Variants in DAB1 observed in about 807,000 individuals in gnomAD.
The protein encoded by DAB1 is DAB adaptor protein 1.
Under a neutral mutation model 64.6 loss-of-function variants are expected in DAB1, and 15 were observed. The ratio of observed to expected loss-of-function variants is 0.23; its 90% CI spans 0.16 to 0.36. The LOEUF (loss-of-function observed/expected upper bound fraction) is 0.36. Among genes scored for constraint, DAB1 ranks in the 10% least tolerant of loss-of-function variants. The pLI is 1.00. For missense variants in DAB1, 596 were observed against 706.7 expected, an observed-to-expected ratio of 0.84 and a Z score of 1.78; for synonymous variants, 235 against 251.9, an observed-to-expected ratio of 0.93 and a Z score of 0.64.
intron 1 of DAB1, among the ~76,000 whole-genome samples, chr1:57,418,577 C>T (rs1684667499): frequency 6.6e-6 from 1 of 152,100 alleles, no homozygotes; most frequent in African/African-American, 2.4e-5. Context: ...TTTGGGAGGA[C>T]CCATCCCCTT....
chr1:58,473,911 T>C, intron 3 of DAB1: 1 of 1,095,220 alleles, frequency 9.1e-7, no homozygotes, highest in East Asian at 5.9e-5. Context: ...ATGAAGCTGT[T>C]GAGCGTTAAC....
chr1:58,144,743 C>T (rs1231545233), intron 5 of DAB1, among the ~76,000 whole-genome samples: 1 of 152,128 alleles, frequency 6.6e-6, no homozygotes, highest in African/African-American at 2.4e-5. Flanking sequence ...CGGGGTCACC[C>T]AGCAGCAAGC....
chr1:57,356,074 T>C (rs930991691), intron 1 of DAB1, among the ~76,000 whole-genome samples: 1 of 152,054 alleles, frequency 6.6e-6, no homozygotes, highest in Non-Finnish European at 1.5e-5. Context: ...AAACATAAGC[T>C]CCATGAAAGC....
At chr1:58,289,812 G>C (rs1661771877) in intron 4 of DAB1, among the ~76,000 whole-genome samples, 1 of 152,154 alleles carries the variant, frequency 6.6e-6, no homozygotes, top group Non-Finnish European at 1.5e-5. Flanking sequence ...GAGAATCTAT[G>C]CTAAAAGCAA....
At chr1:57,926,976 T>C (rs1644888700) in intron 5 of DAB1, among the ~76,000 whole-genome samples, 1 of 152,180 alleles carries the variant, frequency 6.6e-6, no homozygotes, top group South Asian at 2.1e-4. Context: ...CAGCCTTAAG[T>C]GACAGGAGGT....
chr1:57,989,525 C>T (rs1275910801), intron 5 of DAB1, among the ~76,000 whole-genome samples: 1 of 152,152 alleles, frequency 6.6e-6, no homozygotes, highest in African/African-American at 2.4e-5. Context: ...TGAAGATGCC[C>T]TCACCCCTCA....
At chr1:57,322,734 C>A (rs1220776144) in intron 1 of DAB1, among the ~76,000 whole-genome samples, 1 of 152,092 alleles carries the variant, frequency 6.6e-6, no homozygotes, top group African/African-American at 2.4e-5. Context: ...AAGAAAGTAC[C>A]TATATGAAGA....
chr1:57,944,452 C>T (rs1269360145), intron 5 of DAB1, among the ~76,000 whole-genome samples: 1 of 152,160 alleles, frequency 6.6e-6, no homozygotes, highest in Admixed American at 6.5e-5. Context: ...ATGTATATGT[C>T]CCACAAGATA....
chr1:57,733,048 C>A (rs887005973), intron 6 of DAB1, among the ~76,000 whole-genome samples: 2 of 152,128 alleles, frequency 1.3e-5, no homozygotes, highest in African/African-American at 4.8e-5. Context: ...AAGTTCTAAT[C>A]TTGTCAGGAA....
intron 1 of DAB1, among the ~76,000 whole-genome samples, chr1:58,528,514 C>G (rs1646385236): frequency 1.3e-5 from 2 of 152,148 alleles, no homozygotes; most frequent in Non-Finnish European, 2.9e-5. Flanking sequence ...CCTCCAGGGA[C>G]ATTTACAAAT....
intron 1 of DAB1, chr1:58,536,789 T>C: frequency 2.4e-6 from 2 of 833,684 alleles, no homozygotes; most frequent in Non-Finnish European, 4.1e-6. Context: ...TTCCAGCACA[T>C]ATCACTAAAG....
chr1:57,145,610 T>C (rs756838691), intron 2 of DAB1, among the ~76,000 whole-genome samples, 181 bp from the exon 3 acceptor site: 1 of 152,180 alleles, frequency 6.6e-6, no homozygotes, highest in Non-Finnish European at 1.5e-5. Flanking sequence ...TCCATTTAAG[T>C]CCTGAGACAA....
chr1:58,150,377 CA>C (rs1261591281), intron 5 of DAB1: 2 of 152,194 alleles, frequency 1.3e-5, no homozygotes, highest in Non-Finnish European at 2.9e-5. Flanking sequence ...TTTGTCTGAG[CA>C]AGGCATTTCA....
chr1:57,197,996 C>T (rs1172602674), intron 2 of DAB1, among the ~76,000 whole-genome samples: 2 of 152,124 alleles, frequency 1.3e-5, no homozygotes, highest in African/African-American at 2.4e-5. Flanking sequence ...AAGAGTACCA[C>T]ATAAGAAACC....
chr1:57,845,847 T>G (rs1331847094), intron 1 of DAB1, among the ~76,000 whole-genome samples: 1 of 152,216 alleles, frequency 6.6e-6, no homozygotes, highest in Non-Finnish European at 1.5e-5. Context: ...AGCCCTGCCA[T>G]CTAAAGCCAA....
intron 7 of DAB1, among the ~76,000 whole-genome samples, chr1:57,614,905 C>G (rs1326511249): frequency 2.4e-5 from 3 of 127,528 alleles, no homozygotes; most frequent in Non-Finnish European, 4.7e-5. Context: ...GAGTCTCGCT[C>G]TGTCGCCCAG....
intron 7 of DAB1, among the ~76,000 whole-genome samples, chr1:57,559,562 A>G (rs954923558): frequency 4.6e-5 from 7 of 152,196 alleles, no homozygotes; most frequent in Non-Finnish European, 1.0e-4. Context: ...GGGGACCCAA[A>G]ACATCATTGT....
At chr1:58,201,585 G>C (rs1657997671) in intron 4 of DAB1, among the ~76,000 whole-genome samples, 1 of 152,148 alleles carries the variant, frequency 6.6e-6, no homozygotes. Context: ...GGGTTTCACA[G>C]AGAGTCTGTT....
intron 3 of DAB1, among the ~76,000 whole-genome samples, chr1:58,374,192 C>G (rs935768672): frequency 1.0e-4 from 13 of 125,540 alleles, no homozygotes; most frequent in African/African-American, 2.9e-4. Flanking sequence ...AATTAGATCC[C>G]ATTTGTCAAT....
Sources: allele counts gnomAD v4.1 joint callset (sites outside exome capture counted in the v4.1 genomes callset), GRCh38; gene constraint gnomAD v4.1.1; transcripts MANE v1.5; gene names NCBI Gene and HGNC (gene_info 2026-07-23, HGNC 2026-07-21).